Variants in OASL observed in about 807,000 individuals in gnomAD.
OASL encodes 2'-5'-oligoadenylate synthetase like.
A neutral mutation model predicts 35.3 loss-of-function variants in OASL; 28 were observed. The observed-to-expected ratio is 0.79, with a 90% CI of 0.59 to 1.09. OASL has a LOEUF of 1.09. OASL is among the 50% of genes least tolerant of loss of function. OASL has a pLI of 0.00. For synonymous variants in OASL, 252 were observed against 254.6 expected (o/e 0.99, Z 0.10); for missense variants, 620 against 635.2 (o/e 0.98, Z 0.26).
Position 121,033,757 on chromosome 12 carries a change from A to T in OASL, c.199-14T>A. On this transcript the variant is annotated splice_polypyrimidine_tract_variant and intron_variant, in intron 1 of 5. Coordinates refer to ENST00000257570, the Ensembl canonical transcript of OASL. ...GAAGGAGCCCACCTGCAGAACACAG[A>T]GCCCCGTCACCCTGAGGCCCACTGC... 1 of 1,608,560 alleles carries T rather than the reference A, an allele frequency of 6.2e-7. No homozygotes were observed. The highest frequency in any genetic ancestry group is 8.5e-7 in the Non-Finnish European group (1 of 1,177,788).
At chr12:121,020,915 G>C in exon 6 of OASL, 2 of 1,614,216 alleles carry the variant, frequency 1.2e-6, no homozygotes, top group Non-Finnish European at 1.7e-6. Flanking sequence ...CAGGAACCTG[G>C]AAGGACAGAC....
chr12:121,027,800 G>T, exon 4 of OASL: 1 of 1,613,838 alleles, frequency 6.2e-7, no homozygotes. Flanking sequence ...TGGCTCTGGG[G>T]GACCTGGCTT....
At chr12:121,019,603 T>G (rs992307543) in exon 6 of OASL, 1 of 152,158 alleles carries the variant, frequency 6.6e-6, no homozygotes, top group African/African-American at 2.4e-5. Flanking sequence ...TCCTCATTTC[T>G]TAGAGTTGAG....
At chr12:121,028,294 G>A (rs1413844950) in intron 3 of OASL, among the ~76,000 whole-genome samples, 5 of 152,186 alleles carry the variant, frequency 3.3e-5, no homozygotes, top group African/African-American at 1.2e-4. Context: ...ATGTTTGGAA[G>A]GGGTTGACCC....
chr12:121,034,757 T>C (rs916413576), intron 1 of OASL, among the ~76,000 whole-genome samples: 1 of 152,120 alleles, frequency 6.6e-6, no homozygotes, highest in Non-Finnish European at 1.5e-5. Context: ...ACTGGGCTAC[T>C]GGGAGGATCA....
chr12:121,038,981 G>T (rs768785257), exon 1 of OASL: 28 of 1,612,528 alleles, frequency 1.7e-5, no homozygotes, highest in Non-Finnish European at 2.2e-5. Context: ...TCTCTGTCCC[G>T]AGAGTACCGC....
chr12:121,027,654 C>T, exon 4 of OASL: 2 of 1,614,182 alleles, frequency 1.2e-6, no homozygotes, highest in South Asian at 1.1e-5. Flanking sequence ...CCAGTAGATA[C>T]AGATGACTTC....
At chr12:121,028,623 C>A (rs182002339) in intron 3 of OASL, among the ~76,000 whole-genome samples, 2 of 140,448 alleles carry the variant, frequency 1.4e-5, no homozygotes, top group Admixed American at 7.1e-5. Context: ...ACCCGCCCCC[C>A]CCGCCCGCCC....
intron 4 of OASL, among the ~76,000 whole-genome samples, chr12:121,025,859 G>A (rs1220517216): frequency 1.3e-5 from 2 of 152,196 alleles, no homozygotes; most frequent in African/African-American, 4.8e-5. Context: ...GTAATCGAAT[G>A]TGACACAGGC....
chr12:121,027,318 G>C (rs577501987), intron 4 of OASL, among the ~76,000 whole-genome samples: 1 of 152,238 alleles, frequency 6.6e-6, no homozygotes, highest in South Asian at 2.1e-4. Context: ...ATGGTCTTCA[G>C]AGAGCAAGAA....
chr12:121,024,083 T>A, exon 5 of OASL: 1 of 1,614,106 alleles, frequency 6.2e-7, no homozygotes, highest in Non-Finnish European at 8.5e-7. Flanking sequence ...CGATGTCCCA[T>A]CTGTACCCTT....
intron 4 of OASL, among the ~76,000 whole-genome samples, chr12:121,024,339 A>AG (rs1281461244): frequency 6.6e-6 from 1 of 152,178 alleles, no homozygotes; most frequent in Non-Finnish European, 1.5e-5. Context: ...TATCTGGGCC[A>AG]GGCACAGTGG....
At chr12:121,017,776 GTT>G (rs539285248), downstream of OASL, among the ~76,000 whole-genome samples, 43 of 152,270 alleles carry the variant, frequency 2.8e-4, no homozygotes, top group South Asian at 2.3e-3. Context: ...AAAATAAAGC[GTT>G]TATTCCAGAA....
At chr12:121,033,468 T>C (rs1484699174) in exon 2 of OASL, 3 of 1,609,264 alleles carry the variant, frequency 1.9e-6, no homozygotes. Context: ...TACCCAGGGC[T>C]CTGTAGGCAG....
At chr12:121,026,481 T>A (rs535056935) in intron 4 of OASL, among the ~76,000 whole-genome samples, 32 of 152,216 alleles carry the variant, frequency 2.1e-4, no homozygotes, top group Admixed American at 1.5e-3. Context: ...GTGAGACAGA[T>A]AAGGGAAGGC....
chr12:121,034,971 T>C (rs1440391455), intron 1 of OASL, among the ~76,000 whole-genome samples: 2 of 152,088 alleles, frequency 1.3e-5, no homozygotes, highest in African/African-American at 4.8e-5. Context: ...CAGGCCCTGG[T>C]GCCTCTGGTA....
chr12:121,037,592 G>A (rs1181684949), intron 1 of OASL, among the ~76,000 whole-genome samples: 1 of 151,080 alleles, frequency 6.6e-6, no homozygotes, highest in Non-Finnish European at 1.5e-5. Context: ...AGCCAACACG[G>A]TGAAACCCTG....
intron 3 of OASL, among the ~76,000 whole-genome samples, chr12:121,028,970 CG>C (rs1338206221): frequency 6.9e-6 from 1 of 144,896 alleles, no homozygotes; most frequent in Non-Finnish European, 1.5e-5. Flanking sequence ...GAGGCTGAGG[CG>C]GGAGAATCGC....
downstream of OASL, among the ~76,000 whole-genome samples, chr12:121,017,775 C>T (rs924023387): frequency 5.9e-5 from 9 of 152,226 alleles, no homozygotes; most frequent in South Asian, 2.1e-4. Context: ...CAAAATAAAG[C>T]GTTTATTCCA....
Sources: gnomAD v4.1 joint callset for allele counts (sites outside exome capture counted in the v4.1 genomes callset) on GRCh38, gnomAD v4.1.1 for gene constraint, MANE v1.5 for transcripts, NCBI Gene and HGNC (gene_info 2026-07-23, HGNC 2026-07-21) for gene names.